Variants in INTS14 observed in about 807,000 individuals in gnomAD.
INTS14 encodes integrator complex subunit 14.
In INTS14, 27 loss-of-function variants were observed where a neutral mutation model predicts 56.9. The ratio of observed to expected loss-of-function variants is 0.47; its 90% CI spans 0.35 to 0.65. The LOEUF (loss-of-function observed/expected upper bound fraction) is 0.65. Ranked by LOEUF, INTS14 falls within the 30% of genes least tolerant of loss-of-function variation. INTS14 has a pLI of 0.00. For missense variants in INTS14, 517 were observed against 632.2 expected (o/e 0.82, Z 1.95); for synonymous variants, 207 against 236.2 (o/e 0.88, Z 1.13).
chr15:65,604,425 GAGA>G, intron 3 of INTS14, among the ~76,000 whole-genome samples: 2 of 152,064 alleles, frequency 1.3e-5, no homozygotes, highest in African/African-American at 4.8e-5. Context: ...CAACTCAGTT[GAGA>G]TGGTTAAGTT....
In INTS14 at chr15:65,599,850, C is replaced by G. The variant is rs1284269682; in HGVS notation, c.410G>C (p.Ser137Thr). Residue 137 changes from serine (S) to threonine (T), a missense_variant, in exon 4 of 12, where the codon AGT (serine) becomes ACT (threonine). Ser to Thr is a moderately conservative substitution (Grantham distance 58, BLOSUM62 1). Coordinates refer to ENST00000313182, the MANE Select transcript of INTS14 (RefSeq NM_001394796.1). The stretch of plus-strand genomic sequence containing the variant: ...AGGTAGTGGAAACCTGTTGCTCTCA[C>G]TTCGTTGATTTTGAGTGGCTAGGGA... Reference protein sequence around the residue: ...RHSLATQNQRSESNRFPLPFP... With the variant: ...RHSLATQNQRTESNRFPLPFP... The G allele has an allele frequency of 6.2e-7, 1 of 1,614,070 alleles. No homozygotes were observed. Among genetic ancestry groups the G allele is most frequent in the Non-Finnish European group, 8.5e-7 (1 of 1,180,034 alleles).
In INTS14 at chr15:65,579,388, G is replaced by GA. The variant is rs2072492459; in HGVS notation, c.*19dup. On this transcript the variant is annotated 3_prime_UTR_variant, in exon 12 of 12. Transcript: ENST00000313182. ...TTTTCAGTTGAAATGAAAAAAGAAG[G>GA]AAAGCTCCAAAAGTCAGTTTCAAAT... 6.3e-7 allele frequency: 1 copy of GA among 1,598,652 alleles called. No individual in the cohort carries two copies. The highest frequency in any genetic ancestry group is 1.3e-5 in the African/African-American group (1 of 74,536).
chr15:65,599,627 C>A lies in INTS14; in HGVS notation c.486+147G>T, dbSNP rs76289583. The A allele has an allele frequency of 5.7e-3, 5,023 of 887,018 alleles. 168 individuals carry two copies. In the African/African-American group the frequency reaches 0.07, roughly 12 times the overall value. 54.9% of individuals were successfully genotyped at this position (887,018 alleles called of 1,614,324 possible). A position where few individuals can be genotyped will look rare whatever the true frequency, so the allele number is the denominator to read the frequency against. On this transcript the variant is annotated intron_variant, in intron 4 of 11. Transcript: ENST00000313182. ...TCAAAGAACATTTGAGACCCAGAAT[C>A]TTTTCAAATAAAATACCAGCCTCAG...
chr15:65,590,125 C>G (rs1045118933), intron 9 of INTS14, among the ~76,000 whole-genome samples: 12 of 152,054 alleles, frequency 7.9e-5, no homozygotes, highest in Non-Finnish European at 1.6e-4. Flanking sequence ...TATCTTTTAC[C>G]CCCAGCTATT....
rs2073099084 is a variant in INTS14, at chr15:65,593,369, C to T, written c.986+59G>A. 4 of 1,561,970 alleles carry T rather than the reference C, an allele frequency of 2.6e-6. No homozygotes were observed. The East Asian group carries it at 6.8e-5, about 27-fold the overall frequency. ...TTCCTTCAGAAAAGTCTGCAAAATA[C>T]TTCACTTTGTAAAATGATTTTCCCT... On this transcript the variant is annotated intron_variant, in intron 8 of 11. Coordinates refer to ENST00000313182, the MANE Select transcript of INTS14 (RefSeq NM_001394796.1).
At position 65,594,538 on chromosome 15, in the gene INTS14, G is replaced by A. The variant is rs1341601459; in HGVS notation, c.842-966C>T. 4.8e-5 allele frequency among the ~76,000 whole-genome samples: 7 copies of A among 147,108 alleles called. No individual in the cohort carries two copies. In the East Asian group the frequency reaches 5.9e-4, roughly 12 times the overall value. On this transcript the variant is annotated intron_variant, in intron 7 of 11. Transcript: ENST00000313182. The stretch of plus-strand genomic sequence containing the variant: ...CTCCCGAGTAGCTGGGACTACAGGC[G>A]CCTGCCACTACGCCCAGGTTTTTTT...
At chr15:65,605,949 AAGTCACTTAAAAAATCTGAG>A (rs1439419385) in intron 2 of INTS14, among the ~76,000 whole-genome samples, 1 of 152,210 alleles carries the variant, frequency 6.6e-6, no homozygotes, top group African/African-American at 2.4e-5. Context: ...AAAAGCTTTT[AAGTCACTTAAAAAATCTGAG>A]ATAAGGCCGG....
At chr15:65,585,979 G>A (rs1342688481) in intron 9 of INTS14, among the ~76,000 whole-genome samples, 1 of 152,100 alleles carries the variant, frequency 6.6e-6, no homozygotes. Context: ...GTCAGGCTAA[G>A]GTCCTGCAAG....
rs575505949 is a variant in INTS14 at position 65,608,204 on chromosome 15, T to C, written c.-62-762A>G. Among the ~76,000 whole-genome samples the C allele has an allele frequency of 7.6e-3, 1,159 of 151,896 alleles. 6 individuals carry two copies. The highest frequency in any genetic ancestry group is 0.016 in the African/African-American group (677 of 41,428). ...CAGCCTGGCCAATATGGTGAAACCCTGTCTCTACTAAAAATACAAAAATCA... is the reference window on the plus strand; with the variant it reads ...CAGCCTGGCCAATATGGTGAAACCCCGTCTCTACTAAAAATACAAAAATCA... On this transcript the variant is annotated intron_variant, in intron 1 of 11. Transcript: ENST00000313182.
chr15:65,601,155 A>G (rs1255186069), intron 3 of INTS14, among the ~76,000 whole-genome samples: 1 of 152,232 alleles, frequency 6.6e-6, no homozygotes, highest in Admixed American at 6.5e-5. Context: ...TTTAAAACGC[A>G]TTCTTAACCT....
At chr15:65,596,289 T>C (rs1327650665) in intron 6 of INTS14, among the ~76,000 whole-genome samples, 1 of 152,238 alleles carries the variant, frequency 6.6e-6, no homozygotes, top group African/African-American at 2.4e-5. Flanking sequence ...CAATGACTTC[T>C]CTGCTTTATA....
In INTS14 at chr15:65,603,517, T is replaced by A. The variant is rs370754109; in HGVS notation, c.330+1612A>T. On this transcript the variant is annotated intron_variant, in intron 3 of 11. Coordinates refer to ENST00000313182, the MANE Select transcript of INTS14 (RefSeq NM_001394796.1). ...TTTAAGACAGGGCCTCACTATGTGG[T>A]CCAGGCTGGTCTTGAACTCCTGGGC... 4.6e-5 allele frequency among the ~76,000 whole-genome samples: 7 copies of A among 152,282 alleles called. 1 individual carries two copies. The highest frequency in any genetic ancestry group is 1.7e-4 in the African/African-American group (7 of 41,554).
Position 65,579,235 on chromosome 15 carries a change from C to T in INTS14, c.*173G>A, listed in dbSNP as rs2072484424. On this transcript the variant is annotated 3_prime_UTR_variant, in exon 12 of 12. Transcript: ENST00000313182. ...AAGTTAAAGCCCAACCAGCCAACCA[C>T]CTTCACATCCTTCTCATACTAGTAG... The T allele has an allele frequency of 1.1e-6, 1 of 901,584 alleles. No individual in the cohort carries two copies. Among genetic ancestry groups the T allele is most frequent in the Admixed American group, 2.9e-5 (1 of 34,092 alleles). 55.8% of individuals were successfully genotyped at this position (901,584 alleles called of 1,614,324 possible). A position where few individuals can be genotyped will look rare whatever the true frequency, so the allele number is the denominator to read the frequency against.
chr15:65,595,677 A>T (rs1302912887), intron 7 of INTS14, 56 bp downstream of exon 7: 6 of 1,386,684 alleles, frequency 4.3e-6, no homozygotes, highest in Non-Finnish European at 5.0e-6. Context: ...TCTAAGATTT[A>T]AGAACAACTT....
intron 8 of INTS14, among the ~76,000 whole-genome samples, chr15:65,593,096 T>TTA (rs1566923782): frequency 7.3e-6 from 1 of 136,074 alleles, no homozygotes; most frequent in African/African-American, 2.7e-5. Context: ...TTCTATAAAT[T>TTA]AAAAAAAAAA....
intron 9 of INTS14, chr15:65,586,919 G>A (rs2072847259): frequency 6.6e-6 from 1 of 152,166 alleles, no homozygotes. Flanking sequence ...CAAAATCAAT[G>A]AAGAGACCAA....
chr15:65,599,973 T>C (rs1177866881), intron 3 of INTS14, 44 bp from the exon 4 acceptor site: 1 of 1,581,262 alleles, frequency 6.3e-7, no homozygotes, highest in Admixed American at 1.8e-5. Flanking sequence ...TTAAATTACA[T>C]ATTTAACGCA....
At chr15:65,591,773 T>C in intron 8 of INTS14, 42 bp from the exon 9 acceptor site, 1 of 1,602,832 alleles carries the variant, frequency 6.2e-7, no homozygotes, top group Non-Finnish European at 8.5e-7. Flanking sequence ...ACATCAAGCC[T>C]GAGACTGTCA....
At chr15:65,585,330 C>T (rs2072778575) in intron 9 of INTS14, among the ~76,000 whole-genome samples, 1 of 152,036 alleles carries the variant, frequency 6.6e-6, no homozygotes, top group African/African-American at 2.4e-5. Context: ...AAGCACTTGC[C>T]CTGTGGCTAG....
Sources: gnomAD v4.1 joint callset for allele counts (sites outside exome capture counted in the v4.1 genomes callset) on GRCh38, gnomAD v4.1.1 for gene constraint, MANE v1.5 for transcripts, NCBI Gene and HGNC (gene_info 2026-07-23, HGNC 2026-07-21) for gene names.